The following NID2 variants were observed in gnomAD, a reference collection of about 807,000 sequenced individuals.
NID2 encodes nidogen-2.
In NID2, 83 loss-of-function variants were observed where a neutral mutation model predicts 145.4. That is an observed-to-expected ratio of 0.57 (90% confidence interval 0.48 to 0.69). The LOEUF (loss-of-function observed/expected upper bound fraction) is 0.69. Among genes scored for constraint, NID2 ranks in the 30% least tolerant of loss-of-function variants. NID2 has a pLI of 0.00. For synonymous variants in NID2, 739 were observed against 701.3 expected (o/e 1.05, Z -0.85); for missense variants, 1,807 against 1,765.7 (o/e 1.02, Z -0.42).
At chr14:52,036,148 T>C (rs1241058619) in intron 9 of NID2, among the ~76,000 whole-genome samples, 1 of 152,190 alleles carries the variant, frequency 6.6e-6, no homozygotes, top group African/African-American at 2.4e-5. Context: ...ATTAACCCTG[T>C]ACCCTTTAGC....
chr14:52,035,869 T>TAC (rs1892048492), intron 9 of NID2, among the ~76,000 whole-genome samples: 1 of 136,638 alleles, frequency 7.3e-6, no homozygotes, highest in African/African-American at 2.7e-5. Flanking sequence ...TATATATATA[T>TAC]ATATATATAT....
chr14:52,044,522 G>A (rs928871738), intron 5 of NID2, among the ~76,000 whole-genome samples: 6 of 151,924 alleles, frequency 3.9e-5, no homozygotes, highest in African/African-American at 9.7e-5. Context: ...CACCTGCCTC[G>A]GCCTCCCAAA....
At chr14:52,028,571 G>A in intron 11 of NID2, 151 bp downstream of exon 11, 2 of 855,990 alleles carry the variant, frequency 2.3e-6, no homozygotes, top group Non-Finnish European at 3.4e-6. Context: ...ACCACATCCA[G>A]CCAGCTTTGG....
intron 14 of NID2, among the ~76,000 whole-genome samples, 200 bp downstream of exon 14, chr14:52,018,861 A>G (rs1427732054): frequency 1.3e-5 from 2 of 152,246 alleles, no homozygotes; most frequent in African/African-American, 4.8e-5. Context: ...GTAACAGATC[A>G]TATGTGTCAT....
chr14:52,015,577 C>T (rs1891189936), intron 14 of NID2, among the ~76,000 whole-genome samples: 1 of 152,168 alleles, frequency 6.6e-6, no homozygotes, highest in Non-Finnish European at 1.5e-5. Flanking sequence ...CTCACTCAGC[C>T]TGGGAAGGGG....
intron 3 of NID2, among the ~76,000 whole-genome samples, chr14:52,056,802 A>G (rs996076429): frequency 1.8e-4 from 28 of 152,190 alleles, no homozygotes; most frequent in African/African-American, 5.5e-4. Flanking sequence ...AAAAAAATAA[A>G]TAAATAAAAT....
chr14:52,012,263 T>C (rs1212405518), intron 16 of NID2, among the ~76,000 whole-genome samples: 2 of 152,076 alleles, frequency 1.3e-5, no homozygotes, highest in East Asian at 1.9e-4. Flanking sequence ...TCACCTATAC[T>C]CCTGCCCCTG....
intron 17 of NID2, 23 bp downstream of exon 17, chr14:52,011,531 G>A (rs1891021651): frequency 6.2e-7 from 1 of 1,613,552 alleles, no homozygotes; most frequent in African/African-American, 1.3e-5. Flanking sequence ...ATGAAATGCA[G>A]ACTGCTGAGT....
chr14:52,024,613 G>A (rs1891520463), intron 12 of NID2, among the ~76,000 whole-genome samples: 1 of 152,148 alleles, frequency 6.6e-6, no homozygotes, highest in Non-Finnish European at 1.5e-5. Context: ...TCTATTGCTT[G>A]AAGCTGCTAC....
intron 16 of NID2, chr14:52,011,928 G>A (rs778793343): frequency 1.4e-5 from 6 of 438,466 alleles, no homozygotes; most frequent in Admixed American, 3.5e-5. Context: ...GGCCAATAGT[G>A]TACCTGCCTC....
chr14:52,019,298 C>T lies in NID2; in HGVS notation c.2795-4G>A, dbSNP rs749261995. On this transcript the variant is annotated splice_polypyrimidine_tract_variant and splice_region_variant and intron_variant, in intron 13 of 21. Transcript: ENST00000216286. ...GGTGTCAGGCTTGAGGTGGAGTCTT[C>T]CAGGATCAAGGCAGAGGAAGACACA... is the stretch of plus-strand genomic sequence containing the variant. The T allele has an allele frequency of 1.9e-6, 3 of 1,575,760 alleles. No individual in the cohort carries two copies. The Admixed American group carries it at 5.1e-5, about 27-fold the overall frequency.
rs777860506 is a variant in NID2, at chr14:52,005,152, T to C, written c.*334A>G. The C allele has an allele frequency of 4.7e-6, 1 of 211,714 alleles. No homozygotes were observed. The highest frequency in any genetic ancestry group is 9.3e-6 in the Non-Finnish European group (1 of 107,274). The allele number at this position is 211,714 out of a possible 1,614,324, so 13.1% of individuals were successfully genotyped here. On this transcript the variant is annotated 3_prime_UTR_variant, in exon 22 of 22. Transcript: ENST00000216286. Reference sequence around the variant, plus strand: ...GAAGGAATCCATGGCAAAAATCAGGTTTAGAGTCTTAAACTCTAATTCTTA... The same window carrying C: ...GAAGGAATCCATGGCAAAAATCAGGCTTAGAGTCTTAAACTCTAATTCTTA...
intron 14 of NID2, among the ~76,000 whole-genome samples, chr14:52,015,639 C>T (rs1030683520): frequency 6.6e-6 from 1 of 152,184 alleles, no homozygotes. Flanking sequence ...CTGCCTGTAC[C>T]TCGGGCGCCT....
At chr14:52,029,905 G>A (rs1336175951) in intron 9 of NID2, among the ~76,000 whole-genome samples, 1 of 152,212 alleles carries the variant, frequency 6.6e-6, no homozygotes, top group Non-Finnish European at 1.5e-5. Context: ...TAGACAACTA[G>A]TACCTTTACT....
At position 52,053,668 on chromosome 14, in the gene NID2, C is replaced by T. The variant is rs201886389; in HGVS notation, c.1340G>A (p.Arg447Gln). The change falls in exon 5 of 22, where the codon CGA becomes CAA. Residue 447 changes from arginine (R) to glutamine (Q), a missense_variant. Physicochemically the swap from Arg to Gln is conservative, Grantham distance 43. Coordinates refer to ENST00000216286, the MANE Select transcript of NID2 (RefSeq NM_007361.4). ...AGTGTGACCTGAAGCAGGGTAACTT[C>T]GAAGAACAATTTCTTCTTCAGGATG... ...PAHPEEEIVL[R>Q]SYPASGHTTP... 246 of 1,614,234 alleles carry T rather than the reference C, an allele frequency of 1.5e-4. 2 individuals are homozygous for T. In the East Asian group the frequency reaches 5.1e-3, roughly 33 times the overall value.
intron 14 of NID2, among the ~76,000 whole-genome samples, chr14:52,017,697 A>G (rs1181600920): frequency 3.3e-5 from 5 of 152,190 alleles, no homozygotes; most frequent in African/African-American, 1.2e-4. Context: ...CATGAGGGAA[A>G]TAGAATTTCT....
Position 52,047,349 on chromosome 14 carries a change from G to A in NID2, c.1430-4418C>T, listed in dbSNP as rs527805005. 4.6e-5 allele frequency among the ~76,000 whole-genome samples: 7 copies of A among 152,210 alleles called. No individual in the cohort carries two copies. The East Asian group carries it at 1.2e-3, about 25-fold the overall frequency. On this transcript the variant is annotated intron_variant, in intron 5 of 21. Transcript: ENST00000216286. Reference sequence around the variant, plus strand: ...CTGAGCAGAGGCCAGGAGGAGGTGAGGGAGTGAACCCCACAGATGAGGGCA... The same window carrying A: ...CTGAGCAGAGGCCAGGAGGAGGTGAAGGAGTGAACCCCACAGATGAGGGCA...
intron 12 of NID2, among the ~76,000 whole-genome samples, chr14:52,024,465 G>A (rs1023777647): frequency 1.4e-4 from 21 of 152,220 alleles, no homozygotes; most frequent in Non-Finnish European, 2.5e-4. Context: ...CCATAACCAC[G>A]AGTGGATCTT....
chr14:52,067,958 G>A lies in NID2; in HGVS notation c.434C>T (p.Pro145Leu), dbSNP rs1019114877. The A allele has an allele frequency of 3.1e-6, 5 of 1,611,452 alleles. No individual in the cohort carries two copies. The highest frequency in any genetic ancestry group is 2.2e-5 in the East Asian group (1 of 44,848). Residue 145 changes from proline to leucine, a missense_variant, in exon 2 of 22, where the codon CCG becomes CTG. Physicochemically the swap from Pro to Leu is moderately conservative, Grantham distance 98. Transcript: ENST00000216286. ...GGTGGGGGTAAAGCGCGCAGAGCGC[G>A]GGAAGCCAGCGCGCACATAGCGGGC... ...LAARYVRAGF[P>L]RSARFTPTHA...
Sources: allele counts gnomAD v4.1 joint callset (sites outside exome capture counted in the v4.1 genomes callset), GRCh38; gene constraint gnomAD v4.1.1; transcripts MANE v1.5; gene names NCBI Gene and HGNC (gene_info 2026-07-23, HGNC 2026-07-21).